DPPA2: variants seen among roughly 807,000 people sequenced by gnomAD.
DPPA2 encodes the protein developmental pluripotency-associated protein 2.
DPPA2 carries 26 observed loss-of-function variants against 36.2 expected under a neutral mutation model. The ratio of observed to expected loss-of-function variants is 0.72; its 90% CI spans 0.53 to 1.00. DPPA2 has a LOEUF of 1.00. DPPA2 is among the 50% of genes least tolerant of loss of function. The pLI, the probability that DPPA2 is intolerant of heterozygous loss-of-function variation, is 0.00. For missense variants in DPPA2, 361 were observed against 365.1 expected (o/e 0.99, Z 0.09); for synonymous variants, 113 against 123.2 (o/e 0.92, Z 0.55).
At chr3:109,301,593 A>G (rs1707458087) in intron 7 of DPPA2, among the ~76,000 whole-genome samples, 1 of 152,092 alleles carries the variant, frequency 6.6e-6, no homozygotes, top group Non-Finnish European at 1.5e-5. Context: ...CAGAGGTTGC[A>G]GTGAGCAGAG....
chr3:109,303,371 T>C (rs1267005503), intron 7 of DPPA2, among the ~76,000 whole-genome samples: 2 of 150,808 alleles, frequency 1.3e-5, no homozygotes, highest in Non-Finnish European at 3.0e-5. Context: ...CTTTTCTTAC[T>C]CTTTTTTTTT....
At position 109,304,489 on chromosome 3, in the gene DPPA2, G is replaced by A. The variant is rs747418005; in HGVS notation, c.840C>T (p.Pro280=). ...SPGIEDNMLC[P]DCAKRNKKMM... is the part of the protein sequence containing the mutation. ...ATAAGGGTTACCTCTTAGCACAGTC[G>A]GGGCATAACATATTATCTTCTATGC... The change falls in exon 7 of 9, where the codon CCC becomes CCT. Residue 280 remains proline, a synonymous_variant. Coordinates refer to ENST00000478945, the MANE Select transcript of DPPA2 (RefSeq NM_138815.4). 3.0e-5 allele frequency: 49 copies of A among 1,612,332 alleles called. No individual in the cohort carries two copies. Among genetic ancestry groups the A allele is most frequent in the East Asian group, 2.5e-4 (11 of 44,854 alleles).
chr3:109,312,188 G>T (rs1021721634), intron 3 of DPPA2, among the ~76,000 whole-genome samples: 4 of 152,100 alleles, frequency 2.6e-5, no homozygotes, highest in Non-Finnish European at 4.4e-5. Context: ...ACAAAAATTA[G>T]CCAGGCTTGG....
intron 6 of DPPA2, among the ~76,000 whole-genome samples, chr3:109,307,157 G>A (rs1227591918): frequency 1.3e-5 from 2 of 151,732 alleles, no homozygotes; most frequent in Non-Finnish European, 2.9e-5. Context: ...TTTGTAGACA[G>A]GGTATTTCAC....
intron 7 of DPPA2, among the ~76,000 whole-genome samples, chr3:109,301,404 C>T (rs1281985732): frequency 6.6e-6 from 1 of 152,116 alleles, no homozygotes; most frequent in African/African-American, 2.4e-5. Flanking sequence ...GTAATCCTAG[C>T]ACTTTGGGAG....
rs569351217 is a variant in DPPA2 at position 109,312,163 on chromosome 3, G to A, written c.181+382C>T. Among the ~76,000 whole-genome samples the A allele has an allele frequency of 3.9e-5, 6 of 152,192 alleles. No homozygotes were observed. In the South Asian group the frequency reaches 1.0e-3, roughly 26 times the overall value. ...AGCCTGGCCAACATGGTGAAAGCCC[G>A]TCTCTACTAAAAATACAAAAATTAG... On this transcript the variant is annotated intron_variant, in intron 3 of 8. Transcript: ENST00000478945.
chr3:109,300,528 C>T lies in DPPA2; in HGVS notation c.855-93G>A. On this transcript the variant is annotated intron_variant, in intron 7 of 8. Transcript: ENST00000478945. The stretch of plus-strand genomic sequence containing the variant: ...CTTTAAAATGACCAATAAAATAAAG[C>T]ATGCACTTCTGGGCCGGGTGTGGTG... 5.4e-6 allele frequency: 7 copies of T among 1,287,338 alleles called. No individual in the cohort carries two copies. In the Admixed American group the frequency reaches 1.2e-4, roughly 22 times the overall value. The allele number at this position is 1,287,338 out of a possible 1,614,324, so 79.7% of individuals were successfully genotyped here.
intron 3 of DPPA2, 74 bp from the exon 4 acceptor site, chr3:109,309,404 A>T: frequency 6.4e-7 from 1 of 1,564,520 alleles, no homozygotes; most frequent in Non-Finnish European, 8.7e-7. Context: ...ACAAAGATCT[A>T]GGGTCGGGCA....
At chr3:109,297,088 A>G (rs144115384) in intron 8 of DPPA2, among the ~76,000 whole-genome samples, 178 of 151,544 alleles carry the variant, frequency 1.2e-3, no homozygotes, top group African/African-American at 4.1e-3. Context: ...CATTCTCTCA[A>G]TAAAAAATAA....
chr3:109,306,363 A>T (rs1707565127), intron 6 of DPPA2, among the ~76,000 whole-genome samples: 1 of 152,220 alleles, frequency 6.6e-6, no homozygotes, highest in Non-Finnish European at 1.5e-5. Context: ...CTTTGCACAA[A>T]TTATTAAAAG....
chr3:109,306,760 G>C (rs1239547498), intron 6 of DPPA2, among the ~76,000 whole-genome samples: 1 of 151,346 alleles, frequency 6.6e-6, no homozygotes, highest in African/African-American at 2.4e-5. Context: ...GAGGTTGGGA[G>C]TTCGAGACCA....
rs1707650341 is a variant in DPPA2 at position 109,309,262 on chromosome 3, G to T, written c.250C>A (p.Pro84Thr). Reference sequence around the variant, plus strand: ...ATGGGAGGCAAAATGGTCGGCAAGGGAAGGGCTGGTATTTTGCATCTAGCT... The same window carrying T: ...ATGGGAGGCAAAATGGTCGGCAAGGTAAGGGCTGGTATTTTGCATCTAGCT... ...QKARCKIPAL[P>T]LPTILPPINK... The change falls in exon 4 of 9, where the codon CCC becomes ACC. Residue 84 changes from proline (P) to threonine (T), a missense_variant. By Grantham distance (38) the Pro-to-Thr change is conservative (BLOSUM62 -1). Transcript: ENST00000478945. The T allele has an allele frequency of 6.2e-7, 1 of 1,614,062 alleles. No individual in the cohort carries two copies. Among genetic ancestry groups the T allele is most frequent in the South Asian group, 1.1e-5 (1 of 91,088 alleles).
At chr3:109,315,243 C>T (rs1166862221) in intron 1 of DPPA2, among the ~76,000 whole-genome samples, 1 of 152,180 alleles carries the variant, frequency 6.6e-6, no homozygotes, top group Non-Finnish European at 1.5e-5. Context: ...GAGCATTTTA[C>T]GCAGGTATTT....
intron 8 of DPPA2, chr3:109,295,136 ATAAT>A (rs1455058890): frequency 6.6e-6 from 1 of 152,154 alleles, no homozygotes; most frequent in African/African-American, 2.4e-5. Context: ...ATCTGTTGTA[ATAAT>A]TAAATAATTG....
chr3:109,306,775 G>A (rs1002971148), intron 6 of DPPA2, among the ~76,000 whole-genome samples: 1 of 150,806 alleles, frequency 6.6e-6, no homozygotes, highest in Non-Finnish European at 1.5e-5. Flanking sequence ...AGACCAGCCT[G>A]ACCAACATGG....
At chr3:109,298,614 G>A (rs1188456990) in intron 8 of DPPA2, among the ~76,000 whole-genome samples, 1 of 151,956 alleles carries the variant, frequency 6.6e-6, no homozygotes, top group South Asian at 2.1e-4. Context: ...TACTCGGAAG[G>A]CTGAGGCAGG....
At chr3:109,304,758 G>T in intron 6 of DPPA2, 88 bp from the exon 7 acceptor site, 2 of 1,333,390 alleles carry the variant, frequency 1.5e-6, no homozygotes, top group East Asian at 2.4e-5. Flanking sequence ...ATTTGCTCTT[G>T]TATTCTGCTC....
In DPPA2 at chr3:109,303,615, C is replaced by T. The variant is rs1309120185; in HGVS notation, c.854+860G>A. On this transcript the variant is annotated intron_variant, in intron 7 of 8. Transcript: ENST00000478945. ...AACTCCCGACCTCAGGTGATCCGCC[C>T]GCCTCGGCCTCCCAAACTGCTGGGA... Among the ~76,000 whole-genome samples the T allele has an allele frequency of 3.3e-5, 5 of 152,028 alleles. No homozygotes were observed. The East Asian group carries it at 9.8e-4, about 30-fold the overall frequency.
At chr3:109,300,120 G>A (rs1250291177) in intron 8 of DPPA2, among the ~76,000 whole-genome samples, 2 of 152,198 alleles carry the variant, frequency 1.3e-5, no homozygotes, top group East Asian at 1.9e-4. Context: ...TAGTAAGTCA[G>A]TACTCAAGGC....
Sources: allele counts gnomAD v4.1 joint callset (sites outside exome capture counted in the v4.1 genomes callset), GRCh38; gene constraint gnomAD v4.1.1; transcripts MANE v1.5; gene names NCBI Gene and HGNC (gene_info 2026-07-23, HGNC 2026-07-21).